The following PDXDC1 variants were observed in gnomAD, a reference collection of about 807,000 sequenced individuals.
The protein encoded by PDXDC1 is pyridoxal dependent decarboxylase domain containing 1, also known as pyridoxal-dependent decarboxylase domain-containing protein 1.
PDXDC1 carries 42 observed loss-of-function variants against 100.1 expected under a neutral mutation model. The ratio of observed to expected loss-of-function variants is 0.42; its 90% CI spans 0.33 to 0.54. The LOEUF (loss-of-function observed/expected upper bound fraction) is 0.54, where lower values mean the gene tolerates loss of function less well. PDXDC1 is among the 20% of genes least tolerant of loss of function. PDXDC1 has a pLI of 0.10. For synonymous variants in PDXDC1, 260 were observed against 371.7 expected (o/e 0.70, Z 3.46); for missense variants, 636 against 979.2 (o/e 0.65, Z 4.68).
At chr16:15,071,355 C>T in intron 16 of PDXDC1, 3 of 1,075,308 alleles carry the variant, frequency 2.8e-6, no homozygotes, top group South Asian at 3.2e-5. Flanking sequence ...AAAAGTTCTA[C>T]TATCTCATAA....
downstream of PDXDC1, among the ~76,000 whole-genome samples, chr16:15,140,493 G>C (rs1333169549): frequency 6.6e-6 from 1 of 151,236 alleles, no homozygotes; most frequent in Non-Finnish European, 1.5e-5. Context: ...GCGAGAGGGA[G>C]GGAGGAAAGA....
At chr16:15,104,933 A>G (rs1326258500) in intron 16 of PDXDC1, among the ~76,000 whole-genome samples, 1 of 152,128 alleles carries the variant, frequency 6.6e-6, no homozygotes, top group East Asian at 1.9e-4. Context: ...AGTACTGCCG[A>G]CAGCTGGGGG....
chr16:14,994,380 C>G, intron 1 of PDXDC1, among the ~76,000 whole-genome samples: 1 of 152,410 alleles, frequency 6.6e-6, no homozygotes, highest in African/African-American at 2.4e-5. Context: ...TTCCCAGCAC[C>G]ATTTATTAAC....
intron 16 of PDXDC1, chr16:15,131,650 C>A (rs2048067049): frequency 6.3e-7 from 1 of 1,586,456 alleles, no homozygotes; most frequent in Non-Finnish European, 8.6e-7. Flanking sequence ...TGACTCGGCT[C>A]CCAGCTCTGA....
At chr16:15,146,167 G>C in the PDXDC1 span, among the ~76,000 whole-genome samples, 1 of 152,202 alleles carries the variant, frequency 6.6e-6, no homozygotes, top group Non-Finnish European at 1.5e-5. Flanking sequence ...GGATGGCAGA[G>C]GAGATCCACA....
chr16:15,042,748 A>ATTTATTTT, downstream of PDXDC1, among the ~76,000 whole-genome samples: 1 of 149,728 alleles, frequency 6.7e-6, no homozygotes, highest in Middle Eastern at 3.2e-3. Context: ...TTATTTATTT[A>ATTTATTTT]TTGAGACGAA....
chr16:15,046,697 CAAAAAAAAAAAAAAAA>C (rs9331444), intron 16 of PDXDC1, among the ~76,000 whole-genome samples: 5 of 43,620 alleles, frequency 1.1e-4, no homozygotes, highest in African/African-American at 4.8e-4. Context: ...CTGTCTCTAC[CAAAAAAAAAAAAAAAA>C]AAAAAAAAAA....
chr16:15,131,544 T>C lies in PDXDC1; in HGVS notation c.1400-7335T>C, dbSNP rs1232580188. On this transcript the variant is annotated intron_variant, in intron 16 of 16. Coordinates refer to the PDXDC1 transcript ENST00000535621. ...GGGCCACGATCTCCTCGCCCGCCAG[T>C]GTCAGGGGCTCCTCGTTGAGCACGC... is the stretch of plus-strand genomic sequence containing the variant. The C allele has an allele frequency of 1.0e-3, 1,622 of 1,607,822 alleles. 5 individuals are homozygous for C. The highest frequency in any genetic ancestry group is 2.6e-3 in the Admixed American group (155 of 59,890).
At chr16:15,127,353 C>A (rs1243091776) in intron 16 of PDXDC1, 1 of 721,994 alleles carries the variant, frequency 1.4e-6, no homozygotes, top group Non-Finnish European at 2.4e-6. Flanking sequence ...CCTTCCCGAG[C>A]AGCCTTTGGT....
chr16:14,982,775 T>C (rs112762007), intron 1 of PDXDC1, among the ~76,000 whole-genome samples: 1 of 152,282 alleles, frequency 6.6e-6, no homozygotes, highest in East Asian at 1.9e-4. Context: ...GTATGTATTA[T>C]AATAGACGTG....
At chr16:15,130,735 GC>G (rs764591775) in intron 16 of PDXDC1, 24 of 1,440,616 alleles carry the variant, frequency 1.7e-5, no homozygotes, top group Non-Finnish European at 1.9e-5. Context: ...TTGGGCCGGG[GC>G]TCCGAGTGCA....
intron 14 of PDXDC1, among the ~76,000 whole-genome samples, chr16:15,028,315 C>T (rs1597632327): frequency 6.6e-6 from 1 of 152,422 alleles, no homozygotes; most frequent in South Asian, 2.1e-4. Context: ...ACTAAGTATC[C>T]ACATCCTCAG....
intron 1 of PDXDC1, among the ~76,000 whole-genome samples, chr16:14,993,011 C>G (rs1374586891): frequency 2.0e-5 from 3 of 152,234 alleles, no homozygotes; most frequent in Non-Finnish European, 4.4e-5. Flanking sequence ...ACCACCACAC[C>G]CAGCTAATTT....
At chr16:14,994,784 C>T (rs1971602265) in intron 1 of PDXDC1, among the ~76,000 whole-genome samples, 1 of 152,294 alleles carries the variant, frequency 6.6e-6, no homozygotes, top group Non-Finnish European at 1.5e-5. Flanking sequence ...GTGGAATGTT[C>T]TTCCATTTGT....
chr16:15,090,037 C>T (rs1279719681), intron 16 of PDXDC1, among the ~76,000 whole-genome samples: 1 of 151,600 alleles, frequency 6.6e-6, no homozygotes, highest in African/African-American at 2.4e-5. Flanking sequence ...GGTGAAACCC[C>T]GTTTCTACTA....
intron 16 of PDXDC1, among the ~76,000 whole-genome samples, chr16:15,119,551 TGAG>T (rs1164457822): frequency 4.0e-5 from 6 of 149,114 alleles, no homozygotes; most frequent in Admixed American, 3.4e-4. Flanking sequence ...CCCGAGCAGC[TGAG>T]ATTACAGGTC....
rs1355852491 is a variant in PDXDC1 at position 15,037,440 on chromosome 16, G to A, written c.*1165G>A. On this transcript the variant is annotated 3_prime_UTR_variant, in exon 23 of 23. Coordinates refer to ENST00000396410, the MANE Select transcript of PDXDC1 (RefSeq NM_015027.4). The stretch of plus-strand genomic sequence containing the variant: ...TAAGCCTATAATTATACTCTGATTT[G>A]ATGGGATTTTTGACATTTACACTTG... The A allele has an allele frequency of 6.6e-6, 1 of 152,260 alleles. No homozygotes were observed. Among genetic ancestry groups the A allele is most frequent in the Non-Finnish European group, 1.5e-5 (1 of 68,170 alleles). The allele number at this position is 152,260 out of a possible 1,614,324, so 9.4% of individuals were successfully genotyped here.
intron 16 of PDXDC1, chr16:15,130,381 C>T (rs531907227): frequency 1.8e-5 from 29 of 1,575,780 alleles, no homozygotes; most frequent in Middle Eastern, 2.3e-4. Context: ...TACAGGCCCA[C>T]GGACACCTCC....
At chr16:15,100,860 C>T (rs925381574) in intron 16 of PDXDC1, among the ~76,000 whole-genome samples, 10 of 152,068 alleles carry the variant, frequency 6.6e-5, no homozygotes, top group Non-Finnish European at 1.3e-4. Flanking sequence ...TTGGTGTGCA[C>T]CTGTAGTCCC....
Sources: gnomAD v4.1 joint callset for allele counts (sites outside exome capture counted in the v4.1 genomes callset) on GRCh38, gnomAD v4.1.1 for gene constraint, MANE v1.5 for transcripts, NCBI Gene and HGNC (gene_info 2026-07-23, HGNC 2026-07-21) for gene names.